RBFOX1: variants seen among roughly 807,000 people sequenced by gnomAD.
The protein encoded by RBFOX1 is RNA binding fox-1 homolog 1.
RBFOX1 carries 8 observed loss-of-function variants against 57.7 expected under a neutral mutation model. The ratio of observed to expected loss-of-function variants is 0.14; its 90% CI spans 0.08 to 0.25. RBFOX1 has a LOEUF of 0.25. Among genes scored for constraint, RBFOX1 ranks in the 10% least tolerant of loss-of-function variants. The probability of loss-of-function intolerance (pLI) is 1.00; values close to 1 mark genes in which losing one functional copy is unlikely to be tolerated. For missense variants in RBFOX1, 611 were observed against 548.5 expected, an observed-to-expected ratio of 1.11 and a Z score of -1.14; for synonymous variants, 326 against 222.4, an observed-to-expected ratio of 1.47 and a Z score of -4.15.
At chr16:7,000,037 A>C (rs181600560) in intron 3 of RBFOX1, among the ~76,000 whole-genome samples, 286 of 150,150 alleles carry the variant, frequency 1.9e-3, no homozygotes, top group African/African-American at 6.2e-3. Context: ...ACACCACTGC[A>C]CTCCAGCCTG....
rs1350926374 is a variant in RBFOX1 at position 5,948,705 on chromosome 16, G to A, written c.351+81370G>A. Among the ~76,000 whole-genome samples, 5 of 152,178 alleles carry A rather than the reference G, an allele frequency of 3.3e-5. No individual in the cohort carries two copies. In the East Asian group the frequency reaches 9.7e-4, roughly 29 times the overall value. ...GGGAGGGACGCCTGATGTTCCCTCA[G>A]AGCCGCAGGATGGAACCAACCCTAC... On this transcript the variant is annotated intron_variant, in intron 4 of 19. Transcript: ENST00000641259.
chr16:7,167,089 G>A (rs1046936098), intron 4 of RBFOX1, among the ~76,000 whole-genome samples: 2 of 144,022 alleles, frequency 1.4e-5, no homozygotes, highest in African/African-American at 2.6e-5. Flanking sequence ...GGGTTCAAGC[G>A]ATTCTCCTGC....
chr16:7,353,951 A>G (rs2097170982), intron 4 of RBFOX1, among the ~76,000 whole-genome samples: 1 of 152,164 alleles, frequency 6.6e-6, no homozygotes, highest in Non-Finnish European at 1.5e-5. Context: ...TATGTTAAAT[A>G]ACACAGAATT....
intron 4 of RBFOX1, among the ~76,000 whole-genome samples, chr16:7,411,448 C>G (rs560544808): frequency 1.1e-4 from 16 of 152,258 alleles, no homozygotes; most frequent in South Asian, 1.0e-3. Context: ...ACAGACTTAG[C>G]AAAGATGTTG....
intron 4 of RBFOX1, among the ~76,000 whole-genome samples, chr16:7,138,466 C>A (rs1050660015): frequency 6.6e-6 from 1 of 152,094 alleles, no homozygotes; most frequent in African/African-American, 2.4e-5. Flanking sequence ...CCAGACCCAA[C>A]CAGGACAAAG....
intron 1 of RBFOX1, among the ~76,000 whole-genome samples, chr16:5,374,471 A>G (rs2065937639): frequency 6.6e-6 from 1 of 152,228 alleles, no homozygotes; most frequent in Non-Finnish European, 1.5e-5. Flanking sequence ...GAAAAGACAT[A>G]AGAACAGAAA....
intron 1 of RBFOX1, among the ~76,000 whole-genome samples, chr16:5,274,057 A>G (rs1396456887): frequency 6.6e-6 from 1 of 152,218 alleles, no homozygotes; most frequent in Non-Finnish European, 1.5e-5. Context: ...CTAACAGACA[A>G]GACTGCAGGT....
intron 1 of RBFOX1, among the ~76,000 whole-genome samples, chr16:5,255,375 T>C (rs867531268): frequency 6.6e-6 from 1 of 151,524 alleles, no homozygotes; most frequent in Non-Finnish European, 1.5e-5. Flanking sequence ...CATCCATCCA[T>C]CCATCCAGAC....
intron 3 of RBFOX1, among the ~76,000 whole-genome samples, chr16:5,721,890 T>G (rs1698811571): frequency 6.6e-6 from 1 of 152,208 alleles, no homozygotes; most frequent in South Asian, 2.1e-4. Flanking sequence ...ATTCACTGCT[T>G]CATATGTGGA....
chr16:6,166,195 C>A (rs779837940), intron 1 of RBFOX1, among the ~76,000 whole-genome samples: 29 of 152,176 alleles, frequency 1.9e-4, no homozygotes, highest in Non-Finnish European at 3.5e-4. Flanking sequence ...TGAAATAGGA[C>A]ACCAGACCTA....
chr16:6,751,658 T>C (rs2074949522), intron 3 of RBFOX1, among the ~76,000 whole-genome samples: 1 of 152,188 alleles, frequency 6.6e-6, no homozygotes, highest in South Asian at 2.1e-4. Flanking sequence ...AACATTGATT[T>C]ATTTCTTGAG....
intron 3 of RBFOX1, among the ~76,000 whole-genome samples, chr16:6,679,090 A>G (rs965672186): frequency 6.6e-6 from 1 of 152,142 alleles, no homozygotes; most frequent in African/African-American, 2.4e-5. Flanking sequence ...ACAGAGAGAG[A>G]GGGCAAGCAA....
At chr16:7,361,994 AGTGT>A (rs775514530) in intron 4 of RBFOX1, among the ~76,000 whole-genome samples, 15 of 149,350 alleles carry the variant, frequency 1.0e-4, no homozygotes, top group Non-Finnish European at 1.6e-4. Context: ...TATGTGTGTT[AGTGT>A]GTGTATGATT....
intron 13 of RBFOX1, chr16:7,671,523 G>T: frequency 6.4e-7 from 1 of 1,557,302 alleles, no homozygotes; most frequent in Non-Finnish European, 8.8e-7. Flanking sequence ...TTTCATTTTT[G>T]CATTGAAAAC....
intron 3 of RBFOX1, among the ~76,000 whole-genome samples, chr16:5,655,917 C>T (rs1358837504): frequency 6.6e-6 from 1 of 151,996 alleles, no homozygotes; most frequent in Non-Finnish European, 1.5e-5. Context: ...GGTAGATCTC[C>T]TGCATGTCTC....
intron 14 of RBFOX1, among the ~76,000 whole-genome samples, chr16:7,698,421 A>T (rs1428492604): frequency 6.6e-6 from 1 of 151,936 alleles, no homozygotes; most frequent in Non-Finnish European, 1.5e-5. Context: ...AAGCTGTTGA[A>T]ACTGTTCTCT....
chr16:6,542,745 G>T (rs1567618811), intron 2 of RBFOX1, among the ~76,000 whole-genome samples: 1 of 151,802 alleles, frequency 6.6e-6, no homozygotes, highest in Non-Finnish European at 1.5e-5. Context: ...GCCTGCCTCG[G>T]CCCCCAGAAG....
chr16:7,136,766 G>A (rs991463556), intron 4 of RBFOX1, among the ~76,000 whole-genome samples: 1 of 152,158 alleles, frequency 6.6e-6, no homozygotes, highest in Non-Finnish European at 1.5e-5. Context: ...ACAGTCATCA[G>A]GTGGATAGTG....
chr16:6,721,055 A>G (rs913434474), intron 3 of RBFOX1, among the ~76,000 whole-genome samples: 1 of 152,184 alleles, frequency 6.6e-6, no homozygotes, highest in Non-Finnish European at 1.5e-5. Context: ...TGTTCACAAT[A>G]AACAGTAGAA....
Sources: gnomAD v4.1 joint callset for allele counts (sites outside exome capture counted in the v4.1 genomes callset) on GRCh38, gnomAD v4.1.1 for gene constraint, MANE v1.5 for transcripts, NCBI Gene and HGNC (gene_info 2026-07-23, HGNC 2026-07-21) for gene names.